Variants in TMEM156 observed in about 807,000 individuals in gnomAD.
TMEM156 encodes transmembrane protein 156.
Under a neutral mutation model 30.5 loss-of-function variants are expected in TMEM156, and 28 were observed. The observed-to-expected ratio is 0.92, with a 90% CI of 0.68 to 1.26. The LOEUF (loss-of-function observed/expected upper bound fraction) is 1.26. TMEM156 is among the 50% of genes most tolerant of loss of function. The pLI is 0.00. For synonymous variants in TMEM156, 137 were observed against 119.9 expected, an observed-to-expected ratio of 1.14 and a Z score of -0.93; for missense variants, 351 against 340.6, an observed-to-expected ratio of 1.03 and a Z score of -0.24.
intron 5 of TMEM156, among the ~76,000 whole-genome samples, chr4:38,986,029 A>G (rs1711956609): frequency 6.6e-6 from 1 of 152,220 alleles, no homozygotes; most frequent in African/African-American, 2.4e-5. Flanking sequence ...GAATAATGGT[A>G]TCTTGTCTCA....
rs374269115 is a variant in TMEM156, at chr4:38,996,276, AG to A, written c.359-2279del. On this transcript the variant is annotated intron_variant, in intron 2 of 6. Coordinates refer to ENST00000381938, the MANE Select transcript of TMEM156 (RefSeq NM_024943.3). The stretch of plus-strand genomic sequence containing the variant: ...ACCATTACTAAGAAAAAAAAAAAAA[AG>A]AACAGGTGCAGTGGCTCACACCTGT... 3.2e-3 allele frequency among the ~76,000 whole-genome samples: 283 copies of A among 89,812 alleles called. 2 individuals carry two copies. The East Asian group carries it at 0.055, about 17-fold the overall frequency. 58.9% of individuals were successfully genotyped at this position (89,812 alleles called of 152,430 possible). A position where few individuals can be genotyped will look rare whatever the true frequency, so the allele number is the denominator to read the frequency against.
chr4:38,975,201 C>A (rs1023243173), intron 5 of TMEM156, among the ~76,000 whole-genome samples: 3 of 151,896 alleles, frequency 2.0e-5, no homozygotes, highest in African/African-American at 7.3e-5. Flanking sequence ...TTTACCTGGC[C>A]CACAGCACTC....
chr4:38,983,695 C>A (rs1359977743), intron 5 of TMEM156, among the ~76,000 whole-genome samples: 1 of 152,222 alleles, frequency 6.6e-6, no homozygotes, highest in Non-Finnish European at 1.5e-5. Flanking sequence ...CCACCACACT[C>A]GGCCTAGAGT....
chr4:39,013,225 T>G (rs1471559716), intron 1 of TMEM156, among the ~76,000 whole-genome samples: 1 of 148,948 alleles, frequency 6.7e-6, no homozygotes, highest in Non-Finnish European at 1.5e-5. Flanking sequence ...GGTTTGAGCC[T>G]GCGAGGCAGA....
chr4:38,979,383 A>G (rs1723067720), intron 5 of TMEM156, among the ~76,000 whole-genome samples: 1 of 152,248 alleles, frequency 6.6e-6, no homozygotes. Context: ...GCTTTCGCAA[A>G]GCTAGTGTGG....
At chr4:38,971,173 A>AG in intron 5 of TMEM156, 36 bp from the exon 6 acceptor site, 1 of 1,584,354 alleles carries the variant, frequency 6.3e-7, no homozygotes, top group South Asian at 1.1e-5. Flanking sequence ...GTCTATATGT[A>AG]GTAAATAGCA....
chr4:38,993,223 A>G (rs1004739906), intron 3 of TMEM156, among the ~76,000 whole-genome samples: 1 of 152,042 alleles, frequency 6.6e-6, no homozygotes, highest in African/African-American at 2.4e-5. Context: ...TAAGCCTAGG[A>G]GTTCAAGACC....
Position 38,984,347 on chromosome 4 carries a change from CTCTGTGTGTG to C in TMEM156, c.823+1979_823+1988del, listed in dbSNP as rs1397490142. 6.0e-3 allele frequency among the ~76,000 whole-genome samples: 785 copies of C among 130,624 alleles called. 8 individuals carry two copies. Among genetic ancestry groups the C allele is most frequent in the African/African-American group, 9.4e-3 (250 of 26,670 alleles). The allele number at this position is 130,624 out of a possible 152,430, so 85.7% of individuals were successfully genotyped here. ...TCTTTCTCTCTGTCTCTCTCTCTCTCTCTGTGTGTGTGTGTGTGTGTGTGTGTGTGTGTGT... is the reference window on the plus strand; with the variant it reads ...TCTTTCTCTCTGTCTCTCTCTCTCTCTGTGTGTGTGTGTGTGTGTGTGTGT... On this transcript the variant is annotated intron_variant, in intron 5 of 6. Transcript: ENST00000381938.
intron 1 of TMEM156, among the ~76,000 whole-genome samples, chr4:39,005,082 G>A (rs1037138474): frequency 3.9e-5 from 6 of 152,172 alleles, no homozygotes; most frequent in Non-Finnish European, 8.8e-5. Flanking sequence ...CAACAGCGTG[G>A]ATGAATCTCA....
At chr4:39,013,567 AT>A (rs1474718115) in intron 1 of TMEM156, among the ~76,000 whole-genome samples, 1 of 151,528 alleles carries the variant, frequency 6.6e-6, no homozygotes, top group African/African-American at 2.4e-5. Context: ...CGCCCAGCTA[AT>A]TTTTTGTATT....
chr4:39,007,749 A>C (rs1713841108), intron 1 of TMEM156, among the ~76,000 whole-genome samples: 1 of 151,996 alleles, frequency 6.6e-6, no homozygotes, highest in African/African-American at 2.4e-5. Flanking sequence ...GAGCCACTGC[A>C]CCCAGCCCTT....
intron 1 of TMEM156, among the ~76,000 whole-genome samples, chr4:39,030,763 A>G (rs529249199): frequency 6.6e-5 from 10 of 152,240 alleles, no homozygotes; most frequent in Non-Finnish European, 1.2e-4. Context: ...AGATATATAG[A>G]TAGAACCTAC....
intron 1 of TMEM156, among the ~76,000 whole-genome samples, chr4:39,019,131 A>T (rs1714700700): frequency 6.6e-6 from 1 of 151,496 alleles, no homozygotes; most frequent in South Asian, 2.1e-4. Context: ...TTGAGGATTT[A>T]CGTCTTTCAA....
intron 4 of TMEM156, among the ~76,000 whole-genome samples, chr4:38,988,495 G>A (rs1342390019): frequency 6.6e-6 from 1 of 152,160 alleles, no homozygotes; most frequent in Non-Finnish European, 1.5e-5. Context: ...GCCTCCCAAG[G>A]TGCTGGGATT....
At chr4:39,031,932 G>A (rs1577599655) in intron 1 of TMEM156, among the ~76,000 whole-genome samples, 2 of 150,088 alleles carry the variant, frequency 1.3e-5, no homozygotes, top group African/African-American at 4.9e-5. Context: ...TGAAGAAAGT[G>A]TTTCAAAGAG....
intron 1 of TMEM156, among the ~76,000 whole-genome samples, chr4:39,030,351 ATGGT>A (rs1490410685): frequency 6.6e-6 from 1 of 152,122 alleles, no homozygotes; most frequent in Non-Finnish European, 1.5e-5. Context: ...ATTATAAATG[ATGGT>A]TGACTATTGA....
At chr4:38,974,015 T>C (rs1323552075) in intron 5 of TMEM156, among the ~76,000 whole-genome samples, 2 of 151,880 alleles carry the variant, frequency 1.3e-5, no homozygotes, top group Non-Finnish European at 2.9e-5. Flanking sequence ...TGCTAAACTG[T>C]CCTATAATTC....
chr4:38,998,602 C>T, intron 2 of TMEM156, 38 bp downstream of exon 2: 1 of 1,549,378 alleles, frequency 6.5e-7, no homozygotes, highest in Non-Finnish European at 8.7e-7. Flanking sequence ...TAATTTATAC[C>T]TGATACCATT....
chr4:39,001,121 A>G (rs1261788374), intron 1 of TMEM156, among the ~76,000 whole-genome samples: 1 of 150,688 alleles, frequency 6.6e-6, no homozygotes, highest in Non-Finnish European at 1.5e-5. Flanking sequence ...AAAACAACCG[A>G]CCACTTCGGG....
Sources: allele counts gnomAD v4.1 joint callset (sites outside exome capture counted in the v4.1 genomes callset), GRCh38; gene constraint gnomAD v4.1.1; transcripts MANE v1.5; gene names NCBI Gene and HGNC (gene_info 2026-07-23, HGNC 2026-07-21).